MRPS28: variants seen among roughly 807,000 people sequenced by gnomAD.
MRPS28 encodes the protein small ribosomal subunit protein bS1m.
A neutral mutation model predicts 10.8 loss-of-function variants in MRPS28; 7 were observed. The observed-to-expected ratio is 0.65, with a 90% CI of 0.37 to 1.22. The LOEUF is 1.22. Among genes scored for constraint, MRPS28 ranks in the 50% most tolerant of loss-of-function variants. MRPS28 has a pLI of 0.02. For synonymous variants in MRPS28, 121 were observed against 93.3 expected, an observed-to-expected ratio of 1.30 and a Z score of -1.71; for missense variants, 265 against 232.9, an observed-to-expected ratio of 1.14 and a Z score of -0.90.
At chr8:80,020,630 T>C (rs1312594247) in intron 1 of MRPS28, among the ~76,000 whole-genome samples, 1 of 152,166 alleles carries the variant, frequency 6.6e-6, no homozygotes, top group African/African-American at 2.4e-5. Flanking sequence ...AGATGAGTCA[T>C]TTTTTCCTCC....
chr8:79,983,405 C>T (rs1231867851), intron 2 of MRPS28, among the ~76,000 whole-genome samples: 4 of 152,132 alleles, frequency 2.6e-5, no homozygotes, highest in Non-Finnish European at 4.4e-5. Flanking sequence ...TCACCAGCAA[C>T]GGAACAAAGC....
chr8:79,984,069 G>T (rs558613904), intron 2 of MRPS28, among the ~76,000 whole-genome samples: 3 of 151,964 alleles, frequency 2.0e-5, no homozygotes, highest in Admixed American at 2.0e-4. Context: ...GACTAACAGC[G>T]GATCTCTTGG....
intron 2 of MRPS28, among the ~76,000 whole-genome samples, chr8:79,984,510 G>A (rs56211038): frequency 0.023 from 3,492 of 152,276 alleles, 90 homozygotes; most frequent in African/African-American, 0.06. Flanking sequence ...ACCCATCAGT[G>A]CGCTGTATTC....
At chr8:80,001,384 C>T (rs1052354469) in intron 2 of MRPS28, among the ~76,000 whole-genome samples, 5 of 152,200 alleles carry the variant, frequency 3.3e-5, no homozygotes, top group Admixed American at 3.3e-4. Flanking sequence ...ACTTTTGTAT[C>T]ACATATCTTC....
At chr8:80,004,857 G>A (rs1415247219) in intron 1 of MRPS28, among the ~76,000 whole-genome samples, 2 of 152,220 alleles carry the variant, frequency 1.3e-5, no homozygotes, top group Admixed American at 1.3e-4. Flanking sequence ...TTCAGTAGCT[G>A]ATTCGATCAA....
rs530994056 is a variant in MRPS28, at chr8:79,920,575, T to C, written c.396-1427A>G. On this transcript the variant is annotated intron_variant, in intron 2 of 2. Coordinates refer to ENST00000276585, the MANE Select transcript of MRPS28 (RefSeq NM_014018.3). ...GAACATTTTTTCATGTGTCTTTTGG[T>C]TGCATAAATGTCTTCTTTTGAGAAG... is the stretch of plus-strand genomic sequence containing the variant. 4.8e-3 allele frequency among the ~76,000 whole-genome samples: 736 copies of C among 152,334 alleles called. 4 individuals are homozygous for C. The highest frequency in any genetic ancestry group is 0.017 in the African/African-American group (686 of 41,574).
chr8:79,954,042 A>G (rs1262372238), intron 2 of MRPS28, among the ~76,000 whole-genome samples: 3 of 152,156 alleles, frequency 2.0e-5, no homozygotes, highest in Non-Finnish European at 4.4e-5. Context: ...AACTGTGTGA[A>G]GTAATTGGAA....
Position 79,959,740 on chromosome 8 carries a change from C to A in MRPS28, c.396-40592G>T, listed in dbSNP as rs117558191. 3.5e-3 allele frequency among the ~76,000 whole-genome samples: 539 copies of A among 152,090 alleles called. 4 individuals are homozygous for A. Among genetic ancestry groups the A allele is most frequent in the Non-Finnish European group, 3.2e-3 (220 of 67,954 alleles). The stretch of plus-strand genomic sequence containing the variant: ...AATCTATTTATTTTAGCTAATAAGA[C>A]AAGTAGAAAATATTAGATTATAATC... On this transcript the variant is annotated intron_variant, in intron 2 of 2. Transcript: ENST00000276585.
intron 1 of MRPS28, among the ~76,000 whole-genome samples, chr8:80,027,469 GTA>G (rs1809520508): frequency 6.6e-6 from 1 of 152,224 alleles, no homozygotes. Context: ...TGAAGCCACA[GTA>G]GAGAGATGCA....
intron 2 of MRPS28, among the ~76,000 whole-genome samples, chr8:79,977,340 T>C (rs553990112): frequency 5.3e-5 from 8 of 152,248 alleles, no homozygotes; most frequent in East Asian, 3.9e-4. Context: ...AAAATAATAA[T>C]AACAGAAATA....
intron 2 of MRPS28, among the ~76,000 whole-genome samples, chr8:79,968,461 A>G (rs563624547): frequency 4.6e-5 from 7 of 152,150 alleles, no homozygotes; most frequent in Non-Finnish European, 1.0e-4. Context: ...TAACCTGTCC[A>G]GCATCAATCT....
At chr8:79,936,184 C>G (rs551246540) in intron 2 of MRPS28, among the ~76,000 whole-genome samples, 3 of 151,572 alleles carry the variant, frequency 2.0e-5, no homozygotes, top group Non-Finnish European at 4.4e-5. Context: ...AAAAATTAGC[C>G]AAGCATCATG....
chr8:79,952,535 A>G (rs1247461517), intron 2 of MRPS28, among the ~76,000 whole-genome samples: 1 of 152,196 alleles, frequency 6.6e-6, no homozygotes, highest in Non-Finnish European at 1.5e-5. Flanking sequence ...ATCAAAACCT[A>G]TGCCCCTCAA....
At chr8:79,985,133 G>A (rs1454627903) in intron 2 of MRPS28, among the ~76,000 whole-genome samples, 10 of 152,160 alleles carry the variant, frequency 6.6e-5, no homozygotes, top group East Asian at 1.9e-4. Context: ...ACTCAAAACC[G>A]CTCAACTACA....
At chr8:79,955,648 G>C (rs568927701) in intron 2 of MRPS28, among the ~76,000 whole-genome samples, 39 of 152,226 alleles carry the variant, frequency 2.6e-4, no homozygotes, top group African/African-American at 9.1e-4. Flanking sequence ...TTTTATGGCA[G>C]TATTCCACTT....
At chr8:79,939,219 C>T (rs1474438131) in intron 2 of MRPS28, among the ~76,000 whole-genome samples, 1 of 152,196 alleles carries the variant, frequency 6.6e-6, no homozygotes, top group African/African-American at 2.4e-5. Context: ...GAAAGCAGGA[C>T]CAACACTCCT....
At chr8:79,956,053 T>C (rs1429080014) in intron 2 of MRPS28, among the ~76,000 whole-genome samples, 2 of 152,146 alleles carry the variant, frequency 1.3e-5, no homozygotes, top group Admixed American at 6.6e-5. Context: ...ATCTAAAAAA[T>C]GAAAGGCTGG....
At chr8:80,011,407 AT>A (rs11424455) in intron 1 of MRPS28, among the ~76,000 whole-genome samples, 1,964 of 146,808 alleles carry the variant, frequency 0.013, 63 homozygotes, top group African/African-American at 0.045. Flanking sequence ...CGCTTTGGCT[AT>A]TTTTTTTTTT....
At chr8:79,923,924 G>T (rs1810163731) in intron 2 of MRPS28, among the ~76,000 whole-genome samples, 1 of 152,172 alleles carries the variant, frequency 6.6e-6, no homozygotes, top group Non-Finnish European at 1.5e-5. Flanking sequence ...TTCCTTTGGA[G>T]AGGTTTCTGA....
Sources: allele counts gnomAD v4.1 joint callset (sites outside exome capture counted in the v4.1 genomes callset), GRCh38; gene constraint gnomAD v4.1.1; transcripts MANE v1.5; gene names NCBI Gene and HGNC (gene_info 2026-07-23, HGNC 2026-07-21).